The following SEC24C variants were observed in gnomAD, a reference collection of about 807,000 sequenced individuals.
SEC24C encodes protein transport protein Sec24C.
A neutral mutation model predicts 117.0 loss-of-function variants in SEC24C; 22 were observed. The ratio of observed to expected loss-of-function variants is 0.19; its 90% CI spans 0.13 to 0.27. The LOEUF (loss-of-function observed/expected upper bound fraction) is 0.27, where lower values mean the gene tolerates loss of function less well. SEC24C is among the 10% of genes least tolerant of loss of function. The probability of loss-of-function intolerance (pLI) is 1.00; values close to 1 mark genes in which losing one functional copy is unlikely to be tolerated. For synonymous variants in SEC24C, 506 were observed against 529.4 expected (o/e 0.96, Z 0.61); for missense variants, 1,155 against 1,375.1 (o/e 0.84, Z 2.53).
rs751951756 is a variant in SEC24C, at chr10:73,770,420, T to C, written c.3003T>C (p.Val1001=). 1.9e-6 allele frequency: 3 copies of C among 1,614,028 alleles called. No homozygotes were observed. The highest frequency in any genetic ancestry group is 1.7e-6 in the Non-Finnish European group (2 of 1,180,028). ...TGGGAGCAAGCGTCCAACAGGGTGT[T>C]GTCCAGAGCCTTTTCAGCGTCTCCT... The part of the protein sequence containing the change: ...LWVGASVQQG[V]VQSLFSVSSF... The change falls in exon 21 of 23, where the codon GTT becomes GTC. Residue 1001 remains valine, a synonymous_variant. Transcript: ENST00000345254.
intron 3 of SEC24C, among the ~76,000 whole-genome samples, chr10:73,758,026 G>T (rs1565040133): frequency 6.6e-6 from 1 of 151,576 alleles, no homozygotes; most frequent in Non-Finnish European, 1.5e-5. Flanking sequence ...ACGAGGTCAG[G>T]AGTTCCGAGA....
intron 5 of SEC24C, 97 bp downstream of exon 5, chr10:73,760,483 T>C: frequency 7.0e-7 from 1 of 1,420,208 alleles, no homozygotes; most frequent in Non-Finnish European, 9.4e-7. Context: ...TATTACTTGC[T>C]AAGTGGTGAA....
intron 3 of SEC24C, among the ~76,000 whole-genome samples, chr10:73,753,323 A>G (rs1340855064): frequency 6.6e-6 from 1 of 152,166 alleles, no homozygotes; most frequent in Admixed American, 6.5e-5. Flanking sequence ...AAGTGCTGGG[A>G]TTACAGGTGT....
intron 3 of SEC24C, among the ~76,000 whole-genome samples, chr10:73,757,811 G>C (rs1490725414): frequency 6.6e-6 from 1 of 151,164 alleles, no homozygotes; most frequent in Admixed American, 6.6e-5. Flanking sequence ...ACTTGGGAGG[G>C]GAGGCTTAGG....
At chr10:73,764,223 G>A (rs2132561417) in intron 8 of SEC24C, among the ~76,000 whole-genome samples, 1 of 152,202 alleles carries the variant, frequency 6.6e-6, no homozygotes, top group East Asian at 1.9e-4. Flanking sequence ...AAACAAGCAG[G>A]ATGAAAAGAG....
At chr10:73,762,255 C>A in intron 6 of SEC24C, 1 of 851,784 alleles carries the variant, frequency 1.2e-6, no homozygotes, top group Non-Finnish European at 1.7e-6. Flanking sequence ...CCTCATCTAC[C>A]ATGTCCATTC....
In SEC24C at chr10:73,770,043, C is replaced by G. The variant is rs201130653; in HGVS notation, c.2862+28C>G. On this transcript the variant is annotated intron_variant, in intron 20 of 22. Coordinates refer to ENST00000345254, the MANE Select transcript of SEC24C (RefSeq NM_198597.3). ...GCGATTGAGGGTTGGAGTATGAGAT[C>G]TTGCACGGAGCAAAGGGCCTCTTAG... is the stretch of plus-strand genomic sequence containing the variant. The G allele has an allele frequency of 1.0e-4, 165 of 1,606,686 alleles. 1 individual carries two copies. The highest frequency in any genetic ancestry group is 2.7e-4 in the Admixed American group (16 of 59,936).
intron 7 of SEC24C, 66 bp downstream of exon 7, chr10:73,763,667 CTTTTTTTTTTTTTTTTT>C (rs71021569): frequency 4.5e-4 from 27 of 60,478 alleles, no homozygotes; most frequent in East Asian, 1.4e-3. Flanking sequence ...ATGGTTGGGG[CTTTTTTTTTTTTTTTTT>C]TTTTTTTTTT....
At position 73,759,648 on chromosome 10, in the gene SEC24C, C is replaced by A; in HGVS notation, c.335C>A (p.Ser112Tyr). Residue 112 changes from serine to tyrosine, a missense_variant, in exon 4 of 23, where the codon TCC becomes TAC. Physicochemically the swap from Ser to Tyr is moderately radical, Grantham distance 144. Around this residue, in one of 2 missense-constraint regions of SEC24C, gnomAD observed 396 missense variants for 382.8 expected, o/e 1.03. Coordinates refer to ENST00000345254, the MANE Select transcript of SEC24C (RefSeq NM_198597.3). Reference protein sequence around the residue: ...QRLPGSQPFGSPLAPVGNQPP... With the variant: ...QRLPGSQPFGYPLAPVGNQPP... ...CTGCCTGGGTCTCAGCCATTTGGGT[C>A]CCCATTGGCCCCTGTGGGCAACCAG... The A allele has an allele frequency of 6.5e-7, 1 of 1,540,516 alleles. No homozygotes were observed. The highest frequency in any genetic ancestry group is 1.2e-5 in the South Asian group (1 of 80,994).
In SEC24C at chr10:73,763,496, G is replaced by A. The variant is rs2082828280; in HGVS notation, c.994G>A (p.Val332Ile). The change falls in exon 7 of 23, where the codon GTC becomes ATC. Residue 332 changes from valine (V) to isoleucine (I), a missense_variant. Around this residue, in one of 2 missense-constraint regions of SEC24C, gnomAD observed 759 missense variants for 992.3 expected, o/e 0.76. Transcript: ENST00000345254. Reference sequence around the variant, plus strand: ...TCATTGCACTTCTCTGCAGATTCAGGTCATTGAAGATGACAGGAACAACCG... The same window carrying A: ...TCATTGCACTTCTCTGCAGATTCAGATCATTGAAGATGACAGGAACAACCG... The part of the protein sequence containing the change: ...DPDAIPSPIQ[V>I]IEDDRNNRGT... 1 of 1,607,322 alleles carries A rather than the reference G, an allele frequency of 6.2e-7. No individual in the cohort carries two copies.
rs142319255 is a variant in SEC24C at position 73,760,730 on chromosome 10, C to T, written c.868C>T (p.Arg290Trp). 1.2e-4 allele frequency: 201 copies of T among 1,610,000 alleles called. 1 individual carries two copies. Among genetic ancestry groups the T allele is most frequent in the East Asian group, 2.2e-4 (10 of 44,790 alleles). ...TGTCTCAGGTTCCTTCGGACCAGCC[C>T]GGGGCCCTCAGTCTAATTATGGAGG... is the stretch of plus-strand genomic sequence containing the variant. ...PQQNGSFGPA[R>W]GPQSNYGGPY... Residue 290 changes from arginine to tryptophan, a missense_variant, in exon 6 of 23, where the codon CGG becomes TGG. Arg to Trp is a moderately radical substitution (Grantham distance 101). Coordinates refer to ENST00000345254, the MANE Select transcript of SEC24C (RefSeq NM_198597.3).
intron 2 of SEC24C, among the ~76,000 whole-genome samples, chr10:73,747,707 T>G (rs2082579334): frequency 6.7e-6 from 1 of 148,804 alleles, no homozygotes; most frequent in African/African-American, 2.5e-5. Context: ...TTGCCCAGGC[T>G]GTAGTGCAGT....
intron 2 of SEC24C, among the ~76,000 whole-genome samples, chr10:73,749,539 CTTTTTTT>C (rs1163386772): frequency 2.9e-5 from 4 of 139,494 alleles, no homozygotes; most frequent in South Asian, 4.5e-4. Flanking sequence ...TTTTCTTTTT[CTTTTTTT>C]TTTTTTTTCT....
rs1411383959 is a variant in SEC24C at position 73,746,807 on chromosome 10, G to A, written c.-26G>A. ...CTAATTTCTCCTCTCTCTCACAGGT[G>A]AGATCAAATTGGGAATGCTTTCATA... is the stretch of plus-strand genomic sequence containing the variant. On this transcript the variant is annotated splice_region_variant and 5_prime_UTR_variant, in exon 2 of 23. Transcript: ENST00000345254. 2 of 1,582,572 alleles carry A rather than the reference G, an allele frequency of 1.3e-6. No homozygotes were observed. Among genetic ancestry groups the A allele is most frequent in the Non-Finnish European group, 1.7e-6 (2 of 1,160,168 alleles).
rs763031647 is a variant in SEC24C at position 73,768,849 on chromosome 10, C to T, written c.2221C>T (p.Arg741Cys). ...DQERFLSDLR[R>C]DVQKVVGFDA... ...GGAGCGGTTCCTGAGTGACCTGCGT[C>T]GTGATGTCCAGAAGGTTGTTGGCTT... Residue 741 changes from arginine to cysteine, a missense_variant, in exon 16 of 23, where the codon CGT (arginine) becomes TGT (cysteine). Coordinates refer to ENST00000345254, the MANE Select transcript of SEC24C (RefSeq NM_198597.3). 32 of 1,613,774 alleles carry T rather than the reference C, an allele frequency of 2.0e-5. No individual in the cohort carries two copies. The East Asian group carries it at 3.3e-4, about 17-fold the overall frequency.
At chr10:73,750,487 T>G (rs910488927) in intron 2 of SEC24C, among the ~76,000 whole-genome samples, 1 of 152,198 alleles carries the variant, frequency 6.6e-6, no homozygotes, top group African/African-American at 2.4e-5. Context: ...GCAATGCTGA[T>G]GGGAGGACAG....
intron 2 of SEC24C, among the ~76,000 whole-genome samples, chr10:73,747,918 C>T (rs1432276268): frequency 6.6e-6 from 1 of 151,938 alleles, no homozygotes; most frequent in African/African-American, 2.4e-5. Context: ...CTCGGACTCC[C>T]AAAATGCTGA....
intron 3 of SEC24C, among the ~76,000 whole-genome samples, chr10:73,753,327 C>T (rs2082668188): frequency 6.6e-6 from 1 of 152,182 alleles, no homozygotes; most frequent in Non-Finnish European, 1.5e-5. Context: ...GCTGGGATTA[C>T]AGGTGTGAGC....
rs1489809037 is a variant in SEC24C, at chr10:73,760,006, T to C, written c.482-12T>C. 9.6e-6 allele frequency: 15 copies of C among 1,555,830 alleles called. No individual in the cohort carries two copies. The highest frequency in any genetic ancestry group is 1.3e-5 in the Non-Finnish European group (15 of 1,148,738). On this transcript the variant is annotated splice_polypyrimidine_tract_variant and intron_variant, in intron 4 of 22. Coordinates refer to ENST00000345254, the MANE Select transcript of SEC24C (RefSeq NM_198597.3). ...ACTGGGCTTTTGACTCTACCTTTAT[T>C]CTACTTCTCAGGCCCACCAACATCG... is the stretch of plus-strand genomic sequence containing the variant.
Sources: allele counts gnomAD v4.1 joint callset (sites outside exome capture counted in the v4.1 genomes callset), GRCh38; gene constraint gnomAD v4.1.1; regional missense constraint gnomAD v4.1.1; transcripts MANE v1.5; gene names NCBI Gene and HGNC (gene_info 2026-07-23, HGNC 2026-07-21).